Variants in CAMK1D observed in about 807,000 individuals in gnomAD.
CAMK1D encodes the protein calcium/calmodulin dependent protein kinase ID.
In CAMK1D, 9 loss-of-function variants were observed where a neutral mutation model predicts 47.7. The observed-to-expected ratio is 0.19, with a 90% CI of 0.11 to 0.33. The LOEUF (loss-of-function observed/expected upper bound fraction) is 0.33. Ranked by LOEUF, CAMK1D falls within the 10% of genes least tolerant of loss-of-function variation. The probability of loss-of-function intolerance (pLI) is 1.00; values close to 1 mark genes in which losing one functional copy is unlikely to be tolerated. For missense variants in CAMK1D, 291 were observed against 488.7 expected, an observed-to-expected ratio of 0.60 and a Z score of 3.81; for synonymous variants, 184 against 184.9, an observed-to-expected ratio of 0.99 and a Z score of 0.04.
At chr10:12,607,396 A>G (rs1177698118) in intron 2 of CAMK1D, among the ~76,000 whole-genome samples, 1 of 152,214 alleles carries the variant, frequency 6.6e-6, no homozygotes, top group Non-Finnish European at 1.5e-5. Context: ...TAAATTTGTC[A>G]TGAGAGGTGT....
At chr10:12,827,619 T>TCCC (rs1833300639) in intron 10 of CAMK1D, among the ~76,000 whole-genome samples, 1 of 37,842 alleles carries the variant, frequency 2.6e-5, no homozygotes, top group Non-Finnish European at 5.4e-5. Context: ...TCCCCTCCTC[T>TCCC]CTCCTCTCTC....
chr10:12,827,960 G>A (rs144965762), intron 10 of CAMK1D, among the ~76,000 whole-genome samples: 11 of 152,252 alleles, frequency 7.2e-5, no homozygotes, highest in African/African-American at 1.7e-4. Flanking sequence ...GATTACAGGC[G>A]TCAGCCACCA....
intron 1 of CAMK1D, among the ~76,000 whole-genome samples, chr10:12,461,346 A>C (rs1313234407): frequency 6.6e-6 from 1 of 152,206 alleles, no homozygotes; most frequent in Non-Finnish European, 1.5e-5. Flanking sequence ...GTTGGGTAGG[A>C]GTCGTCTGAT....
At chr10:12,793,073 A>G (rs1838053718) in intron 6 of CAMK1D, among the ~76,000 whole-genome samples, 1 of 151,652 alleles carries the variant, frequency 6.6e-6, no homozygotes, top group Admixed American at 6.6e-5. Flanking sequence ...TGTGTTACTC[A>G]CCCTGGCTCT....
At chr10:12,624,379 G>A (rs925358584) in intron 2 of CAMK1D, among the ~76,000 whole-genome samples, 2 of 152,168 alleles carry the variant, frequency 1.3e-5, no homozygotes, top group Non-Finnish European at 2.9e-5. Flanking sequence ...AAAACTTTAT[G>A]ATGTTGATTA....
At chr10:12,612,511 A>C (rs1838661794) in intron 2 of CAMK1D, among the ~76,000 whole-genome samples, 1 of 151,922 alleles carries the variant, frequency 6.6e-6, no homozygotes, top group Non-Finnish European at 1.5e-5. Context: ...TGGTGGCCTC[A>C]GGTTGGGTTT....
At chr10:12,703,855 C>T (rs939196989) in intron 3 of CAMK1D, among the ~76,000 whole-genome samples, 3 of 145,838 alleles carry the variant, frequency 2.1e-5, no homozygotes, top group East Asian at 4.0e-4. Context: ...GACGACAGAT[C>T]GAGACTCCGT....
At chr10:12,528,428 G>A (rs1835695984) in intron 1 of CAMK1D, among the ~76,000 whole-genome samples, 1 of 152,228 alleles carries the variant, frequency 6.6e-6, no homozygotes, top group African/African-American at 2.4e-5. Context: ...AGAAAAGCCA[G>A]GTGACTTGCA....
At chr10:12,500,381 C>G (rs1834664663) in intron 1 of CAMK1D, among the ~76,000 whole-genome samples, 1 of 152,206 alleles carries the variant, frequency 6.6e-6, no homozygotes, top group South Asian at 2.1e-4. Context: ...CTTGGCTTAC[C>G]TCTTCTTAGA....
chr10:12,448,991 A>T lies in CAMK1D; in HGVS notation c.92+99081A>T, dbSNP rs117137268. 2.6e-5 allele frequency among the ~76,000 whole-genome samples: 4 copies of T among 152,288 alleles called. No individual in the cohort carries two copies. The East Asian group carries it at 7.7e-4, about 29-fold the overall frequency. The stretch of plus-strand genomic sequence containing the variant: ...TGTGATTTACTGAGATCATTCTTGT[A>T]AACACTTAGAATAGTTCCTGGTACA... On this transcript the variant is annotated intron_variant, in intron 1 of 10. Coordinates refer to ENST00000619168, the MANE Select transcript of CAMK1D (RefSeq NM_153498.4).
intron 2 of CAMK1D, among the ~76,000 whole-genome samples, chr10:12,643,848 C>T (rs149678410): frequency 6.2e-4 from 94 of 150,450 alleles, no homozygotes; most frequent in African/African-American, 2.1e-3. Flanking sequence ...CATGCTACTA[C>T]ACTCCAGCCC....
chr10:12,773,371 G>A (rs7919745), intron 5 of CAMK1D, among the ~76,000 whole-genome samples: 113,536 of 152,074 alleles, frequency 0.75, 42,664 homozygotes, highest in Non-Finnish European at 0.79. Context: ...CGAGTTCCTG[G>A]TATGAAATGG....
At chr10:12,532,500 C>G (rs985716179) in intron 1 of CAMK1D, among the ~76,000 whole-genome samples, 1 of 152,128 alleles carries the variant, frequency 6.6e-6, no homozygotes, top group African/African-American at 2.4e-5. Context: ...GGGATGGTCT[C>G]GATCTCCTGA....
chr10:12,379,875 A>G (rs1838288855), intron 1 of CAMK1D, among the ~76,000 whole-genome samples: 1 of 152,164 alleles, frequency 6.6e-6, no homozygotes, highest in African/African-American at 2.4e-5. Context: ...AATGTGCCAG[A>G]AAGTGGATGG....
chr10:12,641,619 CAAA>C, intron 2 of CAMK1D, among the ~76,000 whole-genome samples: 1 of 127,630 alleles, frequency 7.8e-6, no homozygotes. Context: ...ATCCCCATCT[CAAA>C]AAAAAAAAGC....
At chr10:12,364,901 G>C (rs529876227) in intron 1 of CAMK1D, among the ~76,000 whole-genome samples, 17 of 152,216 alleles carry the variant, frequency 1.1e-4, no homozygotes, top group African/African-American at 4.1e-4. Context: ...TCAGGAGTCT[G>C]GGTTTGAGTC....
chr10:12,812,659 C>T (rs1588957768), intron 6 of CAMK1D, among the ~76,000 whole-genome samples: 1 of 152,154 alleles, frequency 6.6e-6, no homozygotes, highest in Admixed American at 6.6e-5. Context: ...GGCTGCCACC[C>T]TCTGGGTTGT....
chr10:12,408,206 G>T (rs1274787651), intron 1 of CAMK1D, among the ~76,000 whole-genome samples: 6 of 148,408 alleles, frequency 4.0e-5, no homozygotes, highest in African/African-American at 1.5e-4. Context: ...CTGTTGCCCA[G>T]CCTGGAGTGC....
intron 5 of CAMK1D, among the ~76,000 whole-genome samples, chr10:12,774,618 G>T (rs1837194798): frequency 6.6e-6 from 1 of 152,174 alleles, no homozygotes; most frequent in South Asian, 2.1e-4. Context: ...TAGGACAGGG[G>T]TTCCTAACCC....
Sources: gnomAD v4.1 joint callset for allele counts (sites outside exome capture counted in the v4.1 genomes callset) on GRCh38, gnomAD v4.1.1 for gene constraint, MANE v1.5 for transcripts, NCBI Gene and HGNC (gene_info 2026-07-23, HGNC 2026-07-21) for gene names.